Variants in KIAA1217 observed in about 807,000 individuals in gnomAD.
KIAA1217 encodes the protein sickle tail protein homolog.
In KIAA1217, 88 loss-of-function variants were observed where a neutral mutation model predicts 163.9. That is an observed-to-expected ratio of 0.54 (90% CI 0.45 to 0.64). The LOEUF is 0.64. Among genes scored for constraint, KIAA1217 ranks in the 30% least tolerant of loss-of-function variants. KIAA1217 has a pLI of 0.00. For synonymous variants in KIAA1217, 903 were observed against 923.1 expected (o/e 0.98, Z 0.39); for missense variants, 2,372 against 2,475.0 (o/e 0.96, Z 0.88).
At chr10:23,769,024 AATTT>A (rs1340953779) in intron 1 of KIAA1217, among the ~76,000 whole-genome samples, 1 of 152,178 alleles carries the variant, frequency 6.6e-6, no homozygotes, top group Non-Finnish European at 1.5e-5. Flanking sequence ...AGACAGAGAC[AATTT>A]ATTAAGACAG....
At chr10:23,933,965 T>C (rs923505771) in intron 1 of KIAA1217, among the ~76,000 whole-genome samples, 1 of 152,240 alleles carries the variant, frequency 6.6e-6, no homozygotes, top group African/African-American at 2.4e-5. Context: ...TCAACCATTA[T>C]TGAAGACAGT....
intron 13 of KIAA1217, among the ~76,000 whole-genome samples, chr10:24,526,318 C>G (rs145576132): frequency 6.6e-6 from 1 of 152,278 alleles, no homozygotes; most frequent in African/African-American, 2.4e-5. Context: ...TCAGAGCCAG[C>G]TATTTTAAAA....
At chr10:24,075,256 CA>C (rs371853622) in intron 2 of KIAA1217, among the ~76,000 whole-genome samples, 2 of 151,964 alleles carry the variant, frequency 1.3e-5, no homozygotes, top group African/African-American at 4.8e-5. Flanking sequence ...AAACAGAAAC[CA>C]TCCTGAAAGA....
At chr10:23,918,369 G>C (rs1438843166) in intron 1 of KIAA1217, among the ~76,000 whole-genome samples, 1 of 152,064 alleles carries the variant, frequency 6.6e-6, no homozygotes, top group Admixed American at 6.6e-5. Flanking sequence ...ATCTCCATGT[G>C]AAAAATAAAC....
At chr10:24,520,685 C>CAAAAAA (rs1457773977) in intron 11 of KIAA1217, among the ~76,000 whole-genome samples, 1 of 97,910 alleles carries the variant, frequency 1.0e-5, no homozygotes, top group East Asian at 4.1e-4. Flanking sequence ...TACACACACA[C>CAAAAAA]ACAAAAAAAA....
chr10:24,097,721 A>C (rs1479494258), intron 2 of KIAA1217, among the ~76,000 whole-genome samples: 2 of 152,252 alleles, frequency 1.3e-5, no homozygotes, highest in Admixed American at 1.3e-4. Context: ...AAGTGGCCTA[A>C]AAAACAGAAG....
rs200053336 is a variant in KIAA1217, at chr10:24,173,210, C to T, written c.-170-46416C>T. On this transcript the variant is annotated intron_variant, in intron 2 of 18. Transcript: ENST00000376462. ...CAGAGCATTTGAGGGATGTAAGTTG[C>T]ATGCCCCTTATGAGAATCTAATGCC... 2.6e-5 allele frequency among the ~76,000 whole-genome samples: 4 copies of T among 152,296 alleles called. No individual in the cohort carries two copies. In the East Asian group the frequency reaches 7.7e-4, roughly 29 times the overall value.
chr10:24,067,798 G>C (rs912101446), intron 2 of KIAA1217, among the ~76,000 whole-genome samples: 10 of 152,166 alleles, frequency 6.6e-5, no homozygotes, highest in African/African-American at 2.4e-4. Flanking sequence ...CACCCAGTTC[G>C]AGCTTCCTGG....
At chr10:24,175,084 A>T (rs2065811466) in intron 2 of KIAA1217, among the ~76,000 whole-genome samples, 1 of 151,462 alleles carries the variant, frequency 6.6e-6, no homozygotes, top group South Asian at 2.1e-4. Flanking sequence ...GTGGTCTCAA[A>T]CTCCTGACCT....
intron 1 of KIAA1217, among the ~76,000 whole-genome samples, chr10:23,959,659 C>A (rs1844732602): frequency 1.3e-5 from 2 of 152,062 alleles, no homozygotes. Flanking sequence ...TATTTTTAGG[C>A]TAAATTTGAT....
intron 1 of KIAA1217, among the ~76,000 whole-genome samples, chr10:23,957,516 G>C (rs980421840): frequency 6.6e-6 from 1 of 152,190 alleles, no homozygotes; most frequent in Non-Finnish European, 1.5e-5. Flanking sequence ...GAGGTCAAGA[G>C]TTCAAGACCA....
At chr10:23,966,546 C>A (rs1845076454) in intron 1 of KIAA1217, among the ~76,000 whole-genome samples, 2 of 152,154 alleles carry the variant, frequency 1.3e-5, no homozygotes, top group African/African-American at 2.4e-5. Flanking sequence ...CCCTGCCCTG[C>A]CCTGCAGTTT....
chr10:24,141,658 C>T (rs1194644164), intron 2 of KIAA1217, among the ~76,000 whole-genome samples: 2 of 152,122 alleles, frequency 1.3e-5, no homozygotes, highest in African/African-American at 4.8e-5. Flanking sequence ...TCACACTGGA[C>T]ACAGGAAGGT....
At chr10:24,155,199 G>A (rs1482476905) in intron 2 of KIAA1217, among the ~76,000 whole-genome samples, 1 of 152,106 alleles carries the variant, frequency 6.6e-6, no homozygotes, top group Non-Finnish European at 1.5e-5. Context: ...AACAACTCCT[G>A]TTAACCTGCT....
At chr10:23,832,368 G>A (rs11013736) in intron 1 of KIAA1217, among the ~76,000 whole-genome samples, 50,567 of 151,988 alleles carry the variant, frequency 0.33, 10,300 homozygotes, top group African/African-American at 0.57. Context: ...TGGGCACACC[G>A]CACTCCCGGA....
At chr10:24,131,586 C>T (rs1445355737) in intron 2 of KIAA1217, among the ~76,000 whole-genome samples, 1 of 152,144 alleles carries the variant, frequency 6.6e-6, no homozygotes, top group Non-Finnish European at 1.5e-5. Flanking sequence ...ATTATGCCCG[C>T]TGTACATCTT....
At chr10:23,775,580 T>G (rs534980188) in intron 1 of KIAA1217, among the ~76,000 whole-genome samples, 1 of 152,212 alleles carries the variant, frequency 6.6e-6, no homozygotes, top group African/African-American at 2.4e-5. Flanking sequence ...TGTTGTAGCA[T>G]GTGAGAGTGG....
intron 1 of KIAA1217, among the ~76,000 whole-genome samples, chr10:23,794,399 C>G (rs914301449): frequency 6.6e-6 from 1 of 152,228 alleles, no homozygotes; most frequent in African/African-American, 2.4e-5. Flanking sequence ...TACTCTCTAT[C>G]TATTTCCAAT....
At position 23,790,053 on chromosome 10, in the gene KIAA1217, ACATATACACATATG is replaced by A. The variant is rs1416632430; in HGVS notation, c.-321+94833_-321+94846del. ...TATACACATATACATATGCATATACACATATACACATATGCATATACACATATACACATATGCAT... is the reference window on the plus strand; with the variant it reads ...TATACACATATACATATGCATATACACATATACACATATACACATATGCAT... On this transcript the variant is annotated intron_variant, in intron 1 of 18. Coordinates refer to the KIAA1217 transcript ENST00000376462. 7.6e-5 allele frequency among the ~76,000 whole-genome samples: 9 copies of A among 118,870 alleles called. 1 individual carries two copies. In the Admixed American group the frequency reaches 8.2e-4, roughly 11 times the overall value. The allele number at this position is 118,870 out of a possible 152,430, so 78.0% of individuals were successfully genotyped here. A position where few individuals can be genotyped will look rare whatever the true frequency, so the allele number is the denominator to read the frequency against.
Sources: gnomAD v4.1 joint callset for allele counts (sites outside exome capture counted in the v4.1 genomes callset) on GRCh38, gnomAD v4.1.1 for gene constraint, MANE v1.5 for transcripts, NCBI Gene and HGNC (gene_info 2026-07-23, HGNC 2026-07-21) for gene names.